The following FUT9 variants were observed in gnomAD, a reference collection of about 807,000 sequenced individuals.
The protein encoded by FUT9 is fucosyltransferase 9.
Under a neutral mutation model 29.7 loss-of-function variants are expected in FUT9, and 15 were observed. The ratio of observed to expected loss-of-function variants is 0.51; its 90% CI spans 0.34 to 0.78. The LOEUF (loss-of-function observed/expected upper bound fraction) is 0.78, where lower values mean the gene tolerates loss of function less well. Among genes scored for constraint, FUT9 ranks in the 30% least tolerant of loss-of-function variants. The probability of loss-of-function intolerance (pLI) is 0.01; values close to 1 mark genes in which losing one functional copy is unlikely to be tolerated. For missense variants in FUT9, 319 were observed against 425.4 expected, an observed-to-expected ratio of 0.75 and a Z score of 2.20; for synonymous variants, 169 against 153.7, an observed-to-expected ratio of 1.10 and a Z score of -0.74.
rs9386312 is a variant in FUT9 at position 96,096,859 on chromosome 6, G to T, written c.-97-17180G>T. On this transcript the variant is annotated intron_variant, in intron 1 of 2. Transcript: ENST00000302103. ...ATCTAGCACAATATGGTTTTTATTC[G>T]TTTCTTGTTTTTTCAACTCTTCCTT... 4.7e-3 allele frequency among the ~76,000 whole-genome samples: 720 copies of T among 151,818 alleles called. 5 individuals carry two copies. Among genetic ancestry groups the T allele is most frequent in the African/African-American group, 0.017 (696 of 41,338 alleles).
At chr6:96,150,171 G>C (rs1310964743) in intron 2 of FUT9, among the ~76,000 whole-genome samples, 1 of 152,164 alleles carries the variant, frequency 6.6e-6, no homozygotes, top group Admixed American at 6.6e-5. Context: ...GTAGTATGGT[G>C]TTATACTGGT....
At chr6:96,061,504 C>CT (rs1353482221) in intron 1 of FUT9, among the ~76,000 whole-genome samples, 1 of 151,612 alleles carries the variant, frequency 6.6e-6, no homozygotes, top group Non-Finnish European at 1.5e-5. Flanking sequence ...AAACTGCTTC[C>CT]TTTTTTATTT....
chr6:96,035,411 CTCT>C (rs1770334477), intron 1 of FUT9, among the ~76,000 whole-genome samples: 1 of 151,236 alleles, frequency 6.6e-6, no homozygotes, highest in South Asian at 2.1e-4. Context: ...GAATTTCACA[CTCT>C]TCATCTCATC....
intron 2 of FUT9, among the ~76,000 whole-genome samples, chr6:96,140,317 T>A (rs529737016): frequency 6.6e-6 from 1 of 152,194 alleles, no homozygotes; most frequent in Non-Finnish European, 1.5e-5. Context: ...TCCCACATCT[T>A]ACTGTCTTCT....
At chr6:96,069,486 A>G (rs1037582738) in intron 1 of FUT9, among the ~76,000 whole-genome samples, 1 of 152,160 alleles carries the variant, frequency 6.6e-6, no homozygotes, top group Admixed American at 6.5e-5. Context: ...TTTAATTTTA[A>G]TAAAAATCTC....
chr6:96,107,445 C>A (rs1465187605), intron 1 of FUT9, among the ~76,000 whole-genome samples: 1 of 152,092 alleles, frequency 6.6e-6, no homozygotes, highest in East Asian at 1.9e-4. Flanking sequence ...AAAATAGATG[C>A]TTTAGGAAGA....
At chr6:96,118,874 G>A (rs1005488973) in intron 2 of FUT9, among the ~76,000 whole-genome samples, 19 of 151,608 alleles carry the variant, frequency 1.3e-4, no homozygotes, top group African/African-American at 4.6e-4. Flanking sequence ...AATTTAAAAG[G>A]TAAAATAAAA....
chr6:96,110,006 C>T (rs1353714414), intron 1 of FUT9, among the ~76,000 whole-genome samples: 1 of 152,136 alleles, frequency 6.6e-6, no homozygotes, highest in Non-Finnish European at 1.5e-5. Context: ...GGACTTTGCA[C>T]TTTGTGTCTA....
At chr6:96,174,168 G>C (rs1227612189) in intron 2 of FUT9, among the ~76,000 whole-genome samples, 1 of 152,012 alleles carries the variant, frequency 6.6e-6, no homozygotes, top group Non-Finnish European at 1.5e-5. Context: ...ACTTTAAAGA[G>C]ATGTGATTAA....
At chr6:96,114,894 T>C (rs962900727) in intron 2 of FUT9, among the ~76,000 whole-genome samples, 10 of 152,160 alleles carry the variant, frequency 6.6e-5, no homozygotes, top group African/African-American at 2.2e-4. Context: ...ATCAGTAGTG[T>C]CCCTACAATT....
chr6:96,051,693 A>C (rs1770673635), intron 1 of FUT9, among the ~76,000 whole-genome samples: 1 of 152,078 alleles, frequency 6.6e-6, no homozygotes, highest in Non-Finnish European at 1.5e-5. Flanking sequence ...AAATAATAGT[A>C]AAATTGGTAA....
intron 2 of FUT9, among the ~76,000 whole-genome samples, chr6:96,166,380 T>G (rs1222021575): frequency 6.6e-6 from 1 of 152,182 alleles, no homozygotes; most frequent in African/African-American, 2.4e-5. Flanking sequence ...AAATATCTTT[T>G]TATTTTTTTC....
At chr6:96,033,282 G>T (rs963498777) in intron 1 of FUT9, among the ~76,000 whole-genome samples, 18 of 151,564 alleles carry the variant, frequency 1.2e-4, no homozygotes. Context: ...AAGAGTAATT[G>T]TAATACTTTT....
At chr6:96,065,182 A>G (rs1009144785) in intron 1 of FUT9, among the ~76,000 whole-genome samples, 2 of 152,160 alleles carry the variant, frequency 1.3e-5, no homozygotes, top group African/African-American at 2.4e-5. Flanking sequence ...AAATTATAAA[A>G]ATATTCTGAG....
intron 1 of FUT9, among the ~76,000 whole-genome samples, chr6:96,048,968 T>C (rs1180616399): frequency 6.6e-6 from 1 of 152,210 alleles, no homozygotes; most frequent in African/African-American, 2.4e-5. Context: ...TGTGCTTCAC[T>C]CTCCTTTCTT....
chr6:96,174,623 CGAT>C (rs1278321473), intron 2 of FUT9, among the ~76,000 whole-genome samples: 4 of 151,966 alleles, frequency 2.6e-5, no homozygotes, highest in Admixed American at 6.6e-5. Flanking sequence ...ACTATTACCA[CGAT>C]AACAAAATAC....
Position 96,036,836 on chromosome 6 carries a change from A to G in FUT9, c.-98+20624A>G, listed in dbSNP as rs1303947996. 2.0e-5 allele frequency: 3 copies of G among 152,082 alleles called. No homozygotes were observed. In the East Asian group the frequency reaches 5.8e-4, roughly 29 times the overall value. 9.4% of individuals were successfully genotyped at this position (152,082 alleles called of 1,614,324 possible). ...TTTCATATGACATTTATTTAAACCA[A>G]GCTATAGCTGTGCTTCTCAAACCTT... On this transcript the variant is annotated intron_variant, in intron 1 of 2. Transcript: ENST00000302103.
chr6:96,207,812 T>A lies in FUT9; in HGVS notation c.*3577T>A, dbSNP rs1205939285. The A allele has an allele frequency of 6.0e-6, 1 of 166,922 alleles. No individual in the cohort carries two copies. The highest frequency in any genetic ancestry group is 1.5e-5 in the Non-Finnish European group (1 of 68,040). 10.3% of individuals were successfully genotyped at this position (166,922 alleles called of 1,614,324 possible). A position where few individuals can be genotyped will look rare whatever the true frequency, so the allele number is the denominator to read the frequency against. On this transcript the variant is annotated 3_prime_UTR_variant, in exon 3 of 3. Transcript: ENST00000302103. ...ATTTAAATATTAATTATTGTAGACA[T>A]CAGTAAGAATAAATAAATGTTAATC...
At chr6:96,075,939 G>T (rs1771136369) in intron 1 of FUT9, among the ~76,000 whole-genome samples, 1 of 152,040 alleles carries the variant, frequency 6.6e-6, no homozygotes, top group African/African-American at 2.4e-5. Flanking sequence ...TGTTAGAGTG[G>T]GCTTTGTTCT....
Sources: gnomAD v4.1 joint callset for allele counts (sites outside exome capture counted in the v4.1 genomes callset) on GRCh38, gnomAD v4.1.1 for gene constraint, MANE v1.5 for transcripts, NCBI Gene and HGNC (gene_info 2026-07-23, HGNC 2026-07-21) for gene names.